The following SFT2D3 variants were observed in gnomAD, a reference collection of about 807,000 sequenced individuals.
SFT2D3 encodes the protein vesicle transport protein SFT2C.
For synonymous variants in SFT2D3, 239 were observed against 191.2 expected (o/e 1.25, Z -2.06); for missense variants, 405 against 334.6 (o/e 1.21, Z -1.64).
Position 127,701,621 on chromosome 2 carries a change from G to C in SFT2D3, c.93G>C (p.Lys31Asn), listed in dbSNP as rs141206501. 23,052 of 1,338,274 alleles carry C rather than the reference G, an allele frequency of 0.017. 240 individuals are homozygous for C. The highest frequency in any genetic ancestry group is 0.042 in the East Asian group (1,384 of 32,576). 82.9% of individuals were successfully genotyped at this position (1,338,274 alleles called of 1,614,324 possible). ...CGGAGCCGCTGCTCGCCGCGGAGAA[G>C]GCGGAGGAGCCCGGGGACCGGCCGG... is the stretch of plus-strand genomic sequence containing the variant. ...AAAEPLLAAEKAEEPGDRPAE... is the reference protein window; with the variant it reads ...AAAEPLLAAENAEEPGDRPAE... The change falls in exon 1 of 1, where the codon AAG becomes AAC. Residue 31 changes from lysine (K) to asparagine (N), a missense_variant. By Grantham distance (94) the Lys-to-Asn change is moderately conservative. Transcript: ENST00000310981.
chr2:127,702,035 G>C lies in SFT2D3; in HGVS notation c.507G>C (p.Thr169=), dbSNP rs993613225. 7.3e-6 allele frequency: 9 copies of C among 1,239,868 alleles called. No individual in the cohort carries two copies. The highest frequency in any genetic ancestry group is 1.6e-5 in the African/African-American group (1 of 63,330). 76.8% of individuals were successfully genotyped at this position (1,239,868 alleles called of 1,614,324 possible). The change falls in exon 1 of 1, where the codon ACG becomes ACC. Residue 169 remains threonine (T), a synonymous_variant. Coordinates refer to ENST00000310981, the MANE Select transcript of SFT2D3 (RefSeq NM_032740.4). ...TGGGCCTTCGCAGCACGCTGCTCACGGTGCTGGGCGCGGGCGCGCAGGTGG... is the reference window on the plus strand; with the variant it reads ...TGGGCCTTCGCAGCACGCTGCTCACCGTGCTGGGCGCGGGCGCGCAGGTGG... The part of the protein sequence containing the change: ...AALGLRSTLL[T]VLGAGAQVAA...
Position 127,701,621 on chromosome 2 carries a change from G to GCTGCTCGCC in SFT2D3, c.93_94insCTGCTCGCC (p.Lys31_Ala32insLeuLeuAla), listed in dbSNP as rs781141026. 1.5e-6 allele frequency: 2 copies of GCTGCTCGCC among 1,338,322 alleles called. No homozygotes were observed. The highest frequency in any genetic ancestry group is 1.9e-6 in the Non-Finnish European group (2 of 1,046,894). The allele number at this position is 1,338,322 out of a possible 1,614,324, so 82.9% of individuals were successfully genotyped here. On this transcript the variant is annotated inframe_insertion, in exon 1 of 1. Transcript: ENST00000310981. ...CGGAGCCGCTGCTCGCCGCGGAGAAGGCGGAGGAGCCCGGGGACCGGCCGG... is the reference window on the plus strand; with the variant it reads ...CGGAGCCGCTGCTCGCCGCGGAGAAGCTGCTCGCCGCGGAGGAGCCCGGGGACCGGCCGG...
At position 127,702,284 on chromosome 2, in the gene SFT2D3, G is replaced by T. The variant is rs1007788645; in HGVS notation, c.*108G>T. Reference sequence around the variant, plus strand: ...CGCTGTGCGGAAGCCCGTGGCGAAGGCCCTGCCCTAACAGCCTGCGAGTCT... The same window carrying T: ...CGCTGTGCGGAAGCCCGTGGCGAAGTCCCTGCCCTAACAGCCTGCGAGTCT... On this transcript the variant is annotated 3_prime_UTR_variant, in exon 1 of 1. Transcript: ENST00000310981. 8.3e-6 allele frequency: 9 copies of T among 1,084,230 alleles called. No homozygotes were observed. In the African/African-American group the frequency reaches 1.3e-4, roughly 16 times the overall value. The allele number at this position is 1,084,230 out of a possible 1,614,324, so 67.2% of individuals were successfully genotyped here.
At position 127,704,695 on chromosome 2, in the gene SFT2D3, AT is replaced by A. The variant is rs1268313904; in HGVS notation, c.*2521del. ...ACATTTTCTCACTCCACAGAAATCA[AT>A]TAGCTTTTGCTGTTTTTTACATTCA... is the stretch of plus-strand genomic sequence containing the variant. On this transcript the variant is annotated 3_prime_UTR_variant, in exon 1 of 1. Coordinates refer to ENST00000310981, the MANE Select transcript of SFT2D3 (RefSeq NM_032740.4). 1 of 167,146 alleles carries A rather than the reference AT, an allele frequency of 6.0e-6. No homozygotes were observed. Among genetic ancestry groups the A allele is most frequent in the African/African-American group, 2.4e-5 (1 of 41,470 alleles). The allele number at this position is 167,146 out of a possible 1,614,324, so 10.4% of individuals were successfully genotyped here. A position where few individuals can be genotyped will look rare whatever the true frequency, so the allele number is the denominator to read the frequency against.
In SFT2D3 at chr2:127,702,155, C is replaced by T; in HGVS notation, c.627C>T (p.Leu209=). 2 of 1,215,428 alleles carry T rather than the reference C, an allele frequency of 1.6e-6. No homozygotes were observed. Among genetic ancestry groups the T allele is most frequent in the Non-Finnish European group, 1.0e-6 (1 of 977,954 alleles). The allele number at this position is 1,215,428 out of a possible 1,614,324, so 75.3% of individuals were successfully genotyped here. A position where few individuals can be genotyped will look rare whatever the true frequency, so the allele number is the denominator to read the frequency against. ...GTCGCCTGGGCCGCGGCGCCGGCCTCGCCAAGGTGCTGCCCGTGTGAGGAC... is the reference window on the plus strand; with the variant it reads ...GTCGCCTGGGCCGCGGCGCCGGCCTTGCCAAGGTGCTGCCCGTGTGAGGAC... ...ALGRLGRGAG[L]AKVLPV Residue 209 remains leucine (L), a synonymous_variant, in exon 1 of 1, where the codon CTC becomes CTT. Coordinates refer to ENST00000310981, the MANE Select transcript of SFT2D3 (RefSeq NM_032740.4).
At position 127,703,535 on chromosome 2, in the gene SFT2D3, A is replaced by C. The variant is rs1247279638; in HGVS notation, c.*1359A>C. The C allele has an allele frequency of 6.0e-6, 1 of 167,146 alleles. No homozygotes were observed. The highest frequency in any genetic ancestry group is 1.9e-4 in the East Asian group (1 of 5,208). 10.4% of individuals were successfully genotyped at this position (167,146 alleles called of 1,614,324 possible). A position where few individuals can be genotyped will look rare whatever the true frequency, so the allele number is the denominator to read the frequency against. The stretch of plus-strand genomic sequence containing the variant: ...TCCCAAGAAGTGACACAAGTGGCCA[A>C]CATCCACACTGTAGGCTTGCAGGCT... On this transcript the variant is annotated 3_prime_UTR_variant, in exon 1 of 1. Coordinates refer to ENST00000310981, the MANE Select transcript of SFT2D3 (RefSeq NM_032740.4).
Position 127,701,965 on chromosome 2 carries a change from C to A in SFT2D3, c.437C>A (p.Ala146Glu). 7.2e-7 allele frequency: 1 copy of A among 1,393,352 alleles called. No individual in the cohort carries two copies. The highest frequency in any genetic ancestry group is 1.5e-5 in the South Asian group (1 of 66,718). 86.3% of individuals were successfully genotyped at this position (1,393,352 alleles called of 1,614,324 possible). ...LRCEEAPSRP[A>E]LLYMAALGAT... ...TGCGAAGAAGCGCCGTCCCGGCCCG[C>A]GCTGCTCTACATGGCAGCGCTGGGC... Residue 146 changes from alanine to glutamate, a missense_variant, in exon 1 of 1, where the codon GCG becomes GAG. Ala to Glu is a moderately radical substitution (Grantham distance 107). Transcript: ENST00000310981.
chr2:127,701,533 C>T lies in SFT2D3; in HGVS notation c.5C>T (p.Ala2Val), dbSNP rs546437324. Residue 2 changes from alanine (A) to valine (V), a missense_variant, in exon 1 of 1, where the codon GCG becomes GTG. Coordinates refer to ENST00000310981, the MANE Select transcript of SFT2D3 (RefSeq NM_032740.4). Reference sequence around the variant, plus strand: ...TCTGCCACCGCCTTGTCCAAGATGGCGGACCTCCACCGCCAGCTGCAGGAG... The same window carrying T: ...TCTGCCACCGCCTTGTCCAAGATGGTGGACCTCCACCGCCAGCTGCAGGAG... M[A>V]DLHRQLQEYL... 5.2e-5 allele frequency: 69 copies of T among 1,332,836 alleles called. No individual in the cohort carries two copies. Among genetic ancestry groups the T allele is most frequent in the South Asian group, 4.1e-4 (20 of 49,246 alleles). 82.6% of individuals were successfully genotyped at this position (1,332,836 alleles called of 1,614,324 possible).
rs1369554498 is a variant in SFT2D3, at chr2:127,701,859, C to T, written c.331C>T (p.Leu111Phe). The change falls in exon 1 of 1, where the codon CTC becomes TTC. Residue 111 changes from leucine (L) to phenylalanine (F), a missense_variant. Transcript: ENST00000310981. The part of the protein sequence containing the change: ...LLLRARKFAL[L>F]WSLGSALALA... ...GCTGCGCGCGCGCAAGTTCGCGCTG[C>T]TCTGGTCACTGGGCTCGGCGCTGGC... The T allele has an allele frequency of 6.8e-7, 1 of 1,461,064 alleles. No homozygotes were observed. Among genetic ancestry groups the T allele is most frequent in the Non-Finnish European group, 9.0e-7 (1 of 1,111,854 alleles). 90.5% of individuals were successfully genotyped at this position (1,461,064 alleles called of 1,614,324 possible).
At position 127,701,776 on chromosome 2, in the gene SFT2D3, G is replaced by A. The variant is rs1281002368; in HGVS notation, c.248G>A (p.Cys83Tyr). 24 of 1,429,930 alleles carry A rather than the reference G, an allele frequency of 1.7e-5. No homozygotes were observed. The highest frequency in any genetic ancestry group is 2.1e-5 in the Non-Finnish European group (23 of 1,091,928). 88.6% of individuals were successfully genotyped at this position (1,429,930 alleles called of 1,614,324 possible). ...CAGCGGCTGGCGGCGGGCGGCGGGTGCCTGCTGCTGGCTGCACTGTGTTTC... is the reference window on the plus strand; with the variant it reads ...CAGCGGCTGGCGGCGGGCGGCGGGTACCTGCTGCTGGCTGCACTGTGTTTC... The part of the protein sequence containing the change: ...RGQRLAAGGG[C>Y]LLLAALCFGL... Residue 83 changes from cysteine to tyrosine, a missense_variant, in exon 1 of 1, where the codon TGC (cysteine) becomes TAC (tyrosine). Cys to Tyr is a radical substitution (Grantham distance 194). Transcript: ENST00000310981.
chr2:127,702,124 C>T lies in SFT2D3; in HGVS notation c.596C>T (p.Ala199Val). 4.9e-6 allele frequency: 6 copies of T among 1,219,122 alleles called. No individual in the cohort carries two copies. The highest frequency in any genetic ancestry group is 6.7e-5 in the East Asian group (2 of 29,946). The allele number at this position is 1,219,122 out of a possible 1,614,324, so 75.5% of individuals were successfully genotyped here. ...PWGGGTALRL[A>V]LGRLGRGAGL... ...GGCGGCGGCACCGCGCTGCGCCTCG[C>T]ACTGGGTCGCCTGGGCCGCGGCGCC... Residue 199 changes from alanine (A) to valine (V), a missense_variant, in exon 1 of 1, where the codon GCA becomes GTA. Coordinates refer to ENST00000310981, the MANE Select transcript of SFT2D3 (RefSeq NM_032740.4).
rs2105364059 is a variant in SFT2D3 at position 127,701,951 on chromosome 2, G to C, written c.423G>C (p.Ala141=). ...ACGRLLRCEE[A]PSRPALLYMA... ...GACGCCTGCTGCGCTGCGAAGAAGC[G>C]CCGTCCCGGCCCGCGCTGCTCTACA... Residue 141 remains alanine (A), a synonymous_variant, in exon 1 of 1, where the codon GCG becomes GCC. Coordinates refer to ENST00000310981, the MANE Select transcript of SFT2D3 (RefSeq NM_032740.4). 1 of 1,403,306 alleles carries C rather than the reference G, an allele frequency of 7.1e-7. No individual in the cohort carries two copies. The highest frequency in any genetic ancestry group is 9.2e-7 in the Non-Finnish European group (1 of 1,085,940). 86.9% of individuals were successfully genotyped at this position (1,403,306 alleles called of 1,614,324 possible). A position where few individuals can be genotyped will look rare whatever the true frequency, so the allele number is the denominator to read the frequency against.
rs879794241 is a variant in SFT2D3, at chr2:127,705,228, T to A, written c.*3052T>A. The stretch of plus-strand genomic sequence containing the variant: ...CTTCCATGTAAAACCAAAATAAAGG[T>A]CAGTATAGAAAGTATCATGGGGTAT... On this transcript the variant is annotated 3_prime_UTR_variant, in exon 1 of 1. Coordinates refer to ENST00000310981, the MANE Select transcript of SFT2D3 (RefSeq NM_032740.4). This position sits in a 1 kb window ranked among gnomAD's most constrained non-coding sequence, Gnocchi z 4.5. 3 of 166,960 alleles carry A rather than the reference T, an allele frequency of 1.8e-5. No homozygotes were observed. The allele number at this position is 166,960 out of a possible 1,614,324, so 10.3% of individuals were successfully genotyped here.
rs184880795 is a variant in SFT2D3, at chr2:127,703,639, G to T, written c.*1463G>T. The stretch of plus-strand genomic sequence containing the variant: ...GGTTACCTACCTCAGGAGGCTGCTT[G>T]TGAGAGAGCAAATGCAGTATCTTCA... On this transcript the variant is annotated 3_prime_UTR_variant, in exon 1 of 1. Coordinates refer to ENST00000310981, the MANE Select transcript of SFT2D3 (RefSeq NM_032740.4). 4.4e-4 allele frequency: 73 copies of T among 167,204 alleles called. No individual in the cohort carries two copies. The highest frequency in any genetic ancestry group is 7.6e-4 in the Non-Finnish European group (52 of 68,124). 10.4% of individuals were successfully genotyped at this position (167,204 alleles called of 1,614,324 possible).
rs1685958164 is a variant in SFT2D3 at position 127,704,127 on chromosome 2, T to C, written c.*1951T>C. ...CAACAGCGAGACCTTGTCTCAAAAA[T>C]TTTTTCTCAAATCAAACATCATTGA... On this transcript the variant is annotated 3_prime_UTR_variant, in exon 1 of 1. Coordinates refer to ENST00000310981, the MANE Select transcript of SFT2D3 (RefSeq NM_032740.4). 1.2e-5 allele frequency: 2 copies of C among 166,260 alleles called. No individual in the cohort carries two copies. The highest frequency in any genetic ancestry group is 4.9e-5 in the African/African-American group (2 of 41,156). 10.3% of individuals were successfully genotyped at this position (166,260 alleles called of 1,614,324 possible). A position where few individuals can be genotyped will look rare whatever the true frequency, so the allele number is the denominator to read the frequency against.
rs752590388 is a variant in SFT2D3, at chr2:127,701,755, G to C, written c.227G>C (p.Arg76Pro). ...CTCCCGAGCGTGACGCGCGGGCAGC[G>C]GCTGGCGGCGGGCGGCGGGTGCCTG... ...TCLPSVTRGQ[R>P]LAAGGGCLLL... The change falls in exon 1 of 1, where the codon CGG becomes CCG. Residue 76 changes from arginine to proline, a missense_variant. Physicochemically the swap from Arg to Pro is moderately radical, Grantham distance 103. Coordinates refer to ENST00000310981, the MANE Select transcript of SFT2D3 (RefSeq NM_032740.4). The C allele has an allele frequency of 4.2e-6, 6 of 1,420,982 alleles. No homozygotes were observed. Among genetic ancestry groups the C allele is most frequent in the Admixed American group, 2.6e-5 (1 of 37,850 alleles). 88.0% of individuals were successfully genotyped at this position (1,420,982 alleles called of 1,614,324 possible).
At position 127,702,013 on chromosome 2, in the gene SFT2D3, G is replaced by A. The variant is rs1685903821; in HGVS notation, c.485G>A (p.Gly162Asp). The change falls in exon 1 of 1, where the codon GGC becomes GAC. Residue 162 changes from glycine (G) to aspartate (D), a missense_variant. Transcript: ENST00000310981. ...ALGATLFAAL[G>D]LRSTLLTVLG... ...GGCGCCACGCTGTTCGCCGCGCTGG[G>A]CCTTCGCAGCACGCTGCTCACGGTG... 2 of 1,304,956 alleles carry A rather than the reference G, an allele frequency of 1.5e-6. No individual in the cohort carries two copies. The highest frequency in any genetic ancestry group is 1.6e-5 in the African/African-American group (1 of 63,858). The allele number at this position is 1,304,956 out of a possible 1,614,324, so 80.8% of individuals were successfully genotyped here.
rs1685963803 is a variant in SFT2D3 at position 127,704,415 on chromosome 2, C to G, written c.*2239C>G. 1 of 166,746 alleles carries G rather than the reference C, an allele frequency of 6.0e-6. No individual in the cohort carries two copies. The highest frequency in any genetic ancestry group is 1.5e-5 in the Non-Finnish European group (1 of 68,082). The allele number at this position is 166,746 out of a possible 1,614,324, so 10.3% of individuals were successfully genotyped here. A position where few individuals can be genotyped will look rare whatever the true frequency, so the allele number is the denominator to read the frequency against. ...AATGAAAATTTTTCCACTAGAATCT[C>G]AGGGAAAAAAAGTCTAATCTTGATA... On this transcript the variant is annotated 3_prime_UTR_variant, in exon 1 of 1. Transcript: ENST00000310981.
rs554519039 is a variant in SFT2D3 at position 127,703,095 on chromosome 2, A to T, written c.*919A>T. The T allele has an allele frequency of 6.0e-6, 1 of 167,096 alleles. No homozygotes were observed. Among genetic ancestry groups the T allele is most frequent in the African/African-American group, 2.4e-5 (1 of 41,546 alleles). 10.4% of individuals were successfully genotyped at this position (167,096 alleles called of 1,614,324 possible). A position where few individuals can be genotyped will look rare whatever the true frequency, so the allele number is the denominator to read the frequency against. On this transcript the variant is annotated 3_prime_UTR_variant, in exon 1 of 1. Transcript: ENST00000310981. ...CAGTTACTTTTAACTACCTTAATTT[A>T]TTGCCAGAAGGTATGAGCCTAACAT...
Sources: gnomAD v4.1 joint callset for allele counts on GRCh38, gnomAD v4.1.1 for gene constraint, Gnocchi (gnomAD v3.1) non-coding constraint, MANE v1.5 for transcripts, NCBI Gene and HGNC (gene_info 2026-07-23, HGNC 2026-07-21) for gene names.